Variants in MAGT1 observed in about 807,000 individuals in gnomAD.
The protein encoded by MAGT1 is magnesium transporter 1.
A neutral mutation model predicts 28.4 loss-of-function variants in MAGT1; 4 were observed. That is an observed-to-expected ratio of 0.14 (90% confidence interval 0.07 to 0.32). MAGT1 has a LOEUF of 0.32. Ranked by LOEUF, MAGT1 falls within the 10% of genes least tolerant of loss-of-function variation. The pLI is 1.00. For missense variants in MAGT1, 193 were observed against 264.5 expected, an observed-to-expected ratio of 0.73 and a Z score of 1.88; for synonymous variants, 89 against 89.7, an observed-to-expected ratio of 0.99 and a Z score of 0.04.
In MAGT1 at chrX:77,878,047, C is replaced by T. The variant is rs370444638; in HGVS notation, c.103-2450G>A. ...CTGTAATCCCAGCAATTTGGGAGGC[C>T]GAGGCGGGTGGATCGCTTGAGGTCA... On this transcript the variant is annotated intron_variant, in intron 1 of 9. Coordinates refer to ENST00000618282, the MANE Select transcript of MAGT1 (RefSeq NM_001367916.1). Among the ~76,000 whole-genome samples, 90 of 104,718 alleles carry T rather than the reference C, an allele frequency of 8.6e-4. 4 individuals are homozygous for T. In the South Asian group the frequency reaches 0.037, roughly 43 times the overall value. The allele number at this position is 104,718 out of a possible 115,157, so 90.9% of individuals were successfully genotyped here. A position where few individuals can be genotyped will look rare whatever the true frequency, so the allele number is the denominator to read the frequency against.
chrX:77,877,435 G>C (rs888091233), intron 1 of MAGT1, among the ~76,000 whole-genome samples: 1 of 110,253 alleles, frequency 9.1e-6, no homozygotes, highest in Non-Finnish European at 1.9e-5. Flanking sequence ...ACATTGCAGT[G>C]AGCCAAGATC....
rs2076984132 is a variant in MAGT1, at chrX:77,857,429, T to C, written c.459A>G (p.Thr153=). 1 of 1,210,274 alleles carries C rather than the reference T, an allele frequency of 8.3e-7. No homozygotes were observed. The highest frequency in any genetic ancestry group is 1.1e-6 in the Non-Finnish European group (1 of 895,238). Residue 153 remains threonine (T), a synonymous_variant, in exon 4 of 10, where the codon ACA becomes ACG. Coordinates refer to ENST00000618282, the MANE Select transcript of MAGT1 (RefSeq NM_001367916.1). ...AAAAACCCCGCACCTGTAACTCATATGTATCACCCCGTTTGGGTTTCCCTT... is the reference window on the plus strand; with the variant it reads ...AAAAACCCCGCACCTGTAACTCATACGTATCACCCCGTTTGGGTTTCCCTT... ...PAKGKPKRGD[T]YELQVRGFSA... is the part of the protein sequence containing the mutation.
intron 1 of MAGT1, 77 bp from the exon 2 acceptor site, chrX:77,875,674 T>A: frequency 9.8e-7 from 1 of 1,018,481 alleles, no homozygotes; most frequent in Non-Finnish European, 1.4e-6. Context: ...GCAGCTTACT[T>A]AAAACCAATA....
At chrX:77,882,286 A>T (rs2077054883) in intron 1 of MAGT1, among the ~76,000 whole-genome samples, 1 of 111,884 alleles carries the variant, frequency 8.9e-6, no homozygotes, top group South Asian at 3.7e-4. Context: ...TAGTGTTGGA[A>T]GTTCTGGCCA....
At chrX:77,876,994 C>T (rs1372630677) in intron 1 of MAGT1, among the ~76,000 whole-genome samples, 4 of 71,650 alleles carry the variant, frequency 5.6e-5, no homozygotes, top group Non-Finnish European at 7.1e-5. Flanking sequence ...GCCTGGGCAA[C>T]AGGAGTGGAA....
At chrX:77,892,466 T>A (rs1421474982) in intron 1 of MAGT1, among the ~76,000 whole-genome samples, 1 of 111,055 alleles carries the variant, frequency 9.0e-6, no homozygotes, top group African/African-American at 3.3e-5. Context: ...AAAATCCAAT[T>A]TTATGTTGTG....
At chrX:77,894,966 T>C (rs369360819) in intron 1 of MAGT1, among the ~76,000 whole-genome samples, 2 of 111,488 alleles carry the variant, frequency 1.8e-5, no homozygotes, top group Non-Finnish European at 3.8e-5. Context: ...GCCAGCAGTA[T>C]AGAGTCTCAG....
At chrX:77,847,210 G>A (rs782000662) in intron 7 of MAGT1, among the ~76,000 whole-genome samples, 5 of 112,518 alleles carry the variant, frequency 4.4e-5, no homozygotes, top group African/African-American at 1.3e-4. Flanking sequence ...GCGAGGCTCC[G>A]TGGGCGTAGG....
At chrX:77,862,117 C>A (rs2076996223) in intron 3 of MAGT1, among the ~76,000 whole-genome samples, 1 of 111,099 alleles carries the variant, frequency 9.0e-6, no homozygotes, top group African/African-American at 3.3e-5. Flanking sequence ...GTTAATGAAC[C>A]AAAATAAGAT....
intron 3 of MAGT1, among the ~76,000 whole-genome samples, chrX:77,864,728 A>C (rs1299677177): frequency 9.1e-6 from 1 of 110,494 alleles, no homozygotes; most frequent in Non-Finnish European, 1.9e-5. Context: ...TTTTTGAGAC[A>C]AAGTCTAGCT....
chrX:77,876,160 A>ATG (rs1373548796), intron 1 of MAGT1, among the ~76,000 whole-genome samples: 1 of 32,178 alleles, frequency 3.1e-5, no homozygotes, highest in African/African-American at 1.1e-4. Flanking sequence ...ATATATATAT[A>ATG]TATATTTTTT....
At chrX:77,881,803 T>C (rs2077053476) in intron 1 of MAGT1, among the ~76,000 whole-genome samples, 1 of 111,153 alleles carries the variant, frequency 9.0e-6, no homozygotes, top group Non-Finnish European at 1.9e-5. Context: ...CTGGGTCAAA[T>C]GGTATTTCTA....
At chrX:77,835,742 G>T (rs1162274564) in intron 8 of MAGT1, among the ~76,000 whole-genome samples, 1 of 111,324 alleles carries the variant, frequency 9.0e-6, no homozygotes, top group Non-Finnish European at 1.9e-5. Context: ...TATATACAAT[G>T]GAGTACTATT....
intron 1 of MAGT1, among the ~76,000 whole-genome samples, chrX:77,878,708 G>C (rs2077042977): frequency 9.8e-6 from 1 of 101,565 alleles, no homozygotes; most frequent in East Asian, 3.2e-4. Context: ...AGAATCTCTT[G>C]AATCTGGGAA....
intron 5 of MAGT1, 32 bp downstream of exon 5, chrX:77,856,701 A>T: frequency 1.7e-6 from 2 of 1,192,955 alleles, no homozygotes; most frequent in Middle Eastern, 2.3e-4. Context: ...AATTTTATTC[A>T]AATAATTTTT....
At chrX:77,890,885 A>G (rs2077080333) in intron 1 of MAGT1, among the ~76,000 whole-genome samples, 1 of 111,371 alleles carries the variant, frequency 9.0e-6, no homozygotes, top group African/African-American at 3.3e-5. Context: ...CTTTAAAACT[A>G]CAGACTTTTT....
At chrX:77,879,033 C>T (rs943557114) in intron 1 of MAGT1, among the ~76,000 whole-genome samples, 24 of 109,482 alleles carry the variant, frequency 2.2e-4, no homozygotes, top group Non-Finnish European at 3.4e-4. Context: ...TTATCATTCC[C>T]CTCATCTTCA....
At chrX:77,830,974 T>TATTTTA (rs1299488826) in intron 8 of MAGT1, 79 bp from the exon 9 acceptor site, 2 of 7,706 alleles carry the variant, frequency 2.6e-4, no homozygotes, top group East Asian at 1.1e-3. Flanking sequence ...TTTCTTTTTT[T>TATTTTA]ATTTTATTTT....
Position 77,829,232 on chromosome X carries a change from A to G in MAGT1, c.996T>C (p.Phe332=). The G allele has an allele frequency of 1.7e-6, 2 of 1,197,180 alleles. No individual in the cohort carries two copies. The highest frequency in any genetic ancestry group is 1.8e-5 in the South Asian group (1 of 56,422). Residue 332 remains phenylalanine (F), a synonymous_variant, in exon 10 of 10, where the codon TTT becomes TTC. Coordinates refer to ENST00000618282, the MANE Select transcript of MAGT1 (RefSeq NM_001367916.1). ...CTCTGGGACCTTTTTAACTCATCAG[A>G]AAGCTGAAACAAAAATATATTCCAA... The part of the protein sequence containing the change: ...RSKYHGYPYS[F]LMS
Sources: allele counts gnomAD v4.1 joint callset (sites outside exome capture counted in the v4.1 genomes callset), GRCh38; gene constraint gnomAD v4.1.1; transcripts MANE v1.5; gene names NCBI Gene and HGNC (gene_info 2026-07-23, HGNC 2026-07-21).